The following KCNMB3 variants were observed in gnomAD, a reference collection of about 807,000 sequenced individuals.
KCNMB3 encodes potassium calcium-activated channel subfamily M regulatory beta subunit 3, also known as calcium-activated potassium channel subunit beta-3.
In KCNMB3, 18 loss-of-function variants were observed where a neutral mutation model predicts 11.9. The ratio of observed to expected loss-of-function variants is 1.51; its 90% CI spans 1.04 to 2.23. KCNMB3 has a LOEUF of 2.23. Ranked by LOEUF, KCNMB3 falls within the 30% of genes most tolerant of loss-of-function variation. The probability of loss-of-function intolerance (pLI) is 0.00; values close to 1 mark genes in which losing one functional copy is unlikely to be tolerated. For missense variants in KCNMB3, 247 were observed against 329.4 expected, an observed-to-expected ratio of 0.75 and a Z score of 1.94; for synonymous variants, 78 against 119.2, an observed-to-expected ratio of 0.65 and a Z score of 2.25.
chr3:179,259,771 G>A (rs1726143847), intron 1 of KCNMB3: 2 of 1,601,400 alleles, frequency 1.2e-6, no homozygotes, highest in South Asian at 1.1e-5. Flanking sequence ...GCCTCTCCCT[G>A]TTGGTCATTC....
downstream of KCNMB3, chr3:179,239,837 C>T (rs545392880): frequency 2.2e-5 from 11 of 494,350 alleles, no homozygotes; most frequent in Middle Eastern, 2.7e-3. Flanking sequence ...AGAAGAAAAA[C>T]GTTTTTAATG....
chr3:179,260,215 A>C (rs1726158154), intron 1 of KCNMB3: 2 of 1,613,848 alleles, frequency 1.2e-6, no homozygotes, highest in African/African-American at 2.7e-5. Flanking sequence ...TCACTCCAAC[A>C]GTTGGATGGC....
chr3:179,246,698 C>A (rs974303308), intron 1 of KCNMB3, among the ~76,000 whole-genome samples: 1 of 152,180 alleles, frequency 6.6e-6, no homozygotes, highest in Non-Finnish European at 1.5e-5. Context: ...TTTATTTTAA[C>A]TAGGCATCTT....
At chr3:179,251,986 T>C (rs1348784401), upstream of KCNMB3, among the ~76,000 whole-genome samples, 6 of 152,074 alleles carry the variant, frequency 3.9e-5, no homozygotes, top group Non-Finnish European at 5.9e-5. Context: ...TCCCAAAATG[T>C]TGGGATTACA....
At chr3:179,240,361 A>G (rs1275230569), downstream of KCNMB3, 3 of 275,940 alleles carry the variant, frequency 1.1e-5, no homozygotes, top group Non-Finnish European at 2.0e-5. Flanking sequence ...AAAGAATTAT[A>G]TGCTTGTATT....
At chr3:179,258,859 C>T in intron 1 of KCNMB3, 1 of 1,543,866 alleles carries the variant, frequency 6.5e-7, no homozygotes. Flanking sequence ...ACATGGAAAT[C>T]TACAAGTAAC....
chr3:179,251,238 T>C, upstream of KCNMB3: 4 of 1,507,336 alleles, frequency 2.7e-6, no homozygotes, highest in South Asian at 2.6e-5. Flanking sequence ...TGTAAATAAG[T>C]GTTACGAACT....
At chr3:179,256,593 G>C (rs889059885), upstream of KCNMB3, among the ~76,000 whole-genome samples, 54 of 151,958 alleles carry the variant, frequency 3.6e-4, no homozygotes, top group African/African-American at 1.3e-3. Flanking sequence ...GAAAAATAAA[G>C]ACATTAATTT....
At chr3:179,264,338 G>A (rs1404919852) in intron 1 of KCNMB3, among the ~76,000 whole-genome samples, 1 of 151,710 alleles carries the variant, frequency 6.6e-6, no homozygotes, top group African/African-American at 2.4e-5. Context: ...AAACAGCCTT[G>A]TAATTAACTT....
upstream of KCNMB3, among the ~76,000 whole-genome samples, chr3:179,254,884 G>C (rs1576960886): frequency 6.6e-6 from 1 of 152,120 alleles, no homozygotes; most frequent in African/African-American, 2.4e-5. Flanking sequence ...ACACACAACA[G>C]CCAGGCGAGG....
At chr3:179,244,347 T>C in intron 2 of KCNMB3, 148 bp downstream of exon 2, 1 of 633,312 alleles carries the variant, frequency 1.6e-6, no homozygotes, top group Non-Finnish European at 2.8e-6. Flanking sequence ...GAAAGCTTCA[T>C]TTATCCTGAT....
intron 1 of KCNMB3, among the ~76,000 whole-genome samples, chr3:179,248,385 C>G (rs577076441): frequency 6.6e-6 from 1 of 152,194 alleles, no homozygotes; most frequent in Non-Finnish European, 1.5e-5. Flanking sequence ...CAACACCACA[C>G]CCCCAAACCT....
In KCNMB3 at chr3:179,247,922, CT is replaced by C. The variant is rs565360487; in HGVS notation, c.248+2820del. Among the ~76,000 whole-genome samples the C allele has an allele frequency of 2.4e-4, 37 of 152,182 alleles. No individual in the cohort carries two copies. In the South Asian group the frequency reaches 5.4e-3, roughly 22 times the overall value. ...TCCTCTTCCACTCCCCCTGGGCCTC[CT>C]GTTGCTCTTTGGCTGTCCAAAAAAA... On this transcript the variant is annotated intron_variant, in intron 1 of 2. Coordinates refer to ENST00000392685, the MANE Select transcript of KCNMB3 (RefSeq NM_171830.2).
intron 1 of KCNMB3, chr3:179,260,615 T>A: frequency 7.1e-7 from 1 of 1,412,906 alleles, no homozygotes; most frequent in East Asian, 2.3e-5. Flanking sequence ...CTTGGTAGGA[T>A]CTTGGTATCA....
chr3:179,254,157 A>G (rs546117493), upstream of KCNMB3, among the ~76,000 whole-genome samples: 58 of 152,288 alleles, frequency 3.8e-4, no homozygotes, highest in Non-Finnish European at 6.9e-4. Context: ...AGTTTAATAT[A>G]CCATCCAACT....
chr3:179,249,615 G>A (rs1014373379), intron 1 of KCNMB3, among the ~76,000 whole-genome samples: 8 of 152,328 alleles, frequency 5.3e-5, no homozygotes, highest in Admixed American at 5.2e-4. Context: ...AGAGGTTGCA[G>A]TGAGCCAAGA....
upstream of KCNMB3, among the ~76,000 whole-genome samples, chr3:179,253,287 C>T (rs1457993579): frequency 2.0e-5 from 3 of 152,012 alleles, no homozygotes; most frequent in Admixed American, 1.3e-4. Flanking sequence ...TTTAACATAC[C>T]CAATTATAAT....
intron 1 of KCNMB3, among the ~76,000 whole-genome samples, chr3:179,266,061 T>C (rs771743137): frequency 6.6e-6 from 1 of 152,228 alleles, no homozygotes; most frequent in Non-Finnish European, 1.5e-5. Context: ...GAGGATGTGG[T>C]ATACTGTGCT....
At chr3:179,259,715 C>G in intron 1 of KCNMB3, 1 of 1,591,504 alleles carries the variant, frequency 6.3e-7, no homozygotes, top group South Asian at 1.2e-5. Context: ...ATTTTTTCCT[C>G]TTCTTTTTCT....
Sources: gnomAD v4.1 joint callset for allele counts (sites outside exome capture counted in the v4.1 genomes callset) on GRCh38, gnomAD v4.1.1 for gene constraint, MANE v1.5 for transcripts, NCBI Gene and HGNC (gene_info 2026-07-23, HGNC 2026-07-21) for gene names.